Variants in WDR49 observed in about 807,000 individuals in gnomAD.
The protein encoded by WDR49 is WD repeat domain 49, also known as cilia- and flagella-associated protein 337.
WDR49 carries 107 observed loss-of-function variants against 119.5 expected under a neutral mutation model. The ratio of observed to expected loss-of-function variants is 0.90; its 90% CI spans 0.77 to 1.05. WDR49 has a LOEUF of 1.05. Ranked by LOEUF, WDR49 falls within the 50% of genes least tolerant of loss-of-function variation. The pLI is 0.00. For missense variants in WDR49, 1,240 were observed against 1,220.5 expected, an observed-to-expected ratio of 1.02 and a Z score of -0.24; for synonymous variants, 425 against 418.8, an observed-to-expected ratio of 1.01 and a Z score of -0.18.
intron 5 of WDR49, among the ~76,000 whole-genome samples, chr3:167,619,009 T>C (rs1289696906): frequency 6.6e-6 from 1 of 152,160 alleles, no homozygotes; most frequent in Non-Finnish European, 1.5e-5. Flanking sequence ...ATAGATATAA[T>C]GCATCATCGG....
At chr3:167,650,950 G>A (rs1372247755) in intron 2 of WDR49, among the ~76,000 whole-genome samples, 1 of 152,022 alleles carries the variant, frequency 6.6e-6, no homozygotes, top group Non-Finnish European at 1.5e-5. Context: ...GCAAAGCCGG[G>A]ATTTAAGCTC....
chr3:167,550,040 C>G (rs1712456880), intron 10 of WDR49, among the ~76,000 whole-genome samples: 1 of 151,912 alleles, frequency 6.6e-6, no homozygotes, highest in South Asian at 2.1e-4. Context: ...TCTATTCTGT[C>G]CCATTGGTCT....
intron 8 of WDR49, among the ~76,000 whole-genome samples, chr3:167,565,650 C>T (rs1713549130): frequency 6.6e-6 from 1 of 152,018 alleles, no homozygotes; most frequent in African/African-American, 2.4e-5. Context: ...GAGCTGCAAA[C>T]AAAGGAAACA....
intron 10 of WDR49, among the ~76,000 whole-genome samples, chr3:167,549,776 T>G (rs1712438757): frequency 6.6e-6 from 1 of 152,214 alleles, no homozygotes; most frequent in South Asian, 2.1e-4. Context: ...CTCATGCCTA[T>G]GTCCTGAATG....
chr3:167,542,940 A>G (rs1027061501), intron 10 of WDR49, among the ~76,000 whole-genome samples: 3 of 152,050 alleles, frequency 2.0e-5, no homozygotes, highest in African/African-American at 7.2e-5. Context: ...TATAAGCTAA[A>G]TTAGAAATGA....
chr3:167,641,081 G>A (rs182615316), intron 2 of WDR49, among the ~76,000 whole-genome samples: 1 of 152,002 alleles, frequency 6.6e-6, no homozygotes, highest in East Asian at 1.9e-4. Context: ...AACAGAGATG[G>A]CAGCTGCAAT....
intron 2 of WDR49, 49 bp downstream of exon 2, chr3:167,653,212 C>G: frequency 6.6e-7 from 1 of 1,523,220 alleles, no homozygotes; most frequent in Non-Finnish European, 8.8e-7. Flanking sequence ...TCATTCTAGG[C>G]TCCTTCATGA....
At chr3:167,501,760 AAT>A (rs1425591680) in intron 17 of WDR49, among the ~76,000 whole-genome samples, 12 of 152,276 alleles carry the variant, frequency 7.9e-5, no homozygotes, top group African/African-American at 2.9e-4. Context: ...ACTGGTCTTT[AAT>A]TGTTTTCTGG....
chr3:167,478,688 G>T lies in WDR49; in HGVS notation c.*190C>A. ...ATACCAAGATGTTGCTCCCACTTTA[G>T]TTCAATATTTATTTTATTAAGAATA... On this transcript the variant is annotated 3_prime_UTR_variant, in exon 19 of 19. Transcript: ENST00000682715. The T allele has an allele frequency of 2.7e-6, 1 of 375,862 alleles. No individual in the cohort carries two copies. The highest frequency in any genetic ancestry group is 4.7e-6 in the Non-Finnish European group (1 of 213,496). 23.3% of individuals were successfully genotyped at this position (375,862 alleles called of 1,614,324 possible).
At chr3:167,502,343 C>T (rs142373554) in intron 17 of WDR49, among the ~76,000 whole-genome samples, 288 of 152,234 alleles carry the variant, frequency 1.9e-3, no homozygotes, top group African/African-American at 6.7e-3. Context: ...TACGGCAATG[C>T]AAAAATGGCC....
At chr3:167,520,098 T>TGC (rs1442878165) in intron 16 of WDR49, among the ~76,000 whole-genome samples, 3 of 151,470 alleles carry the variant, frequency 2.0e-5, no homozygotes, top group African/African-American at 4.9e-5. Context: ...TGTGTGTGTG[T>TGC]GCAAACTGGG....
At chr3:167,564,918 A>G (rs577208508) in intron 8 of WDR49, among the ~76,000 whole-genome samples, 1 of 151,990 alleles carries the variant, frequency 6.6e-6, no homozygotes, top group East Asian at 1.9e-4. Flanking sequence ...AAAAAAAAAC[A>G]GGAATCAAAA....
chr3:167,500,353 T>A lies in WDR49; in HGVS notation c.2885-54A>T, dbSNP rs77936111. The stretch of plus-strand genomic sequence containing the variant: ...CAGGGAGAAAAAGGGTACAATATCA[T>A]TAACTCCTTGGAAAGAGCCAGCACA... On this transcript the variant is annotated intron_variant, in intron 17 of 18. Coordinates refer to ENST00000682715, the MANE Select transcript of WDR49 (RefSeq NM_001366157.1). 3,739 of 1,578,622 alleles carry A rather than the reference T, an allele frequency of 2.4e-3. 70 individuals carry two copies. In the African/African-American group the frequency reaches 0.046, roughly 19 times the overall value.
intron 18 of WDR49, among the ~76,000 whole-genome samples, chr3:167,496,222 A>G (rs1560250224): frequency 6.6e-6 from 1 of 151,966 alleles, no homozygotes; most frequent in African/African-American, 2.4e-5. Context: ...ATAATTCAGA[A>G]TGATTGATTA....
chr3:167,570,366 A>G (rs1713863738), intron 8 of WDR49, among the ~76,000 whole-genome samples: 1 of 152,212 alleles, frequency 6.6e-6, no homozygotes, highest in Non-Finnish European at 1.5e-5. Flanking sequence ...TGGATTCCCA[A>G]ATACCCTCAA....
chr3:167,610,737 C>T (rs1036402262), intron 5 of WDR49, among the ~76,000 whole-genome samples: 7 of 152,110 alleles, frequency 4.6e-5, no homozygotes, highest in Admixed American at 4.6e-4. Flanking sequence ...TGAGCGAGAC[C>T]CAGTGCTGTG....
chr3:167,620,515 A>G lies in WDR49; in HGVS notation c.872T>C (p.Ile291Thr), dbSNP rs1235584350. ...ACEDGEATMT[I>T]NWAELLSGCH... ...TCCAGAGAGCAGCTCTGCCCAGTTA[A>G]TGGTCATAGTGGCTTCTCCATCTTC... Residue 291 changes from isoleucine (I) to threonine (T), a missense_variant, in exon 5 of 19, where the codon ATT (isoleucine) becomes ACT (threonine). By Grantham distance (89) the Ile-to-Thr change is moderately conservative (BLOSUM62 -1). Coordinates refer to ENST00000682715, the MANE Select transcript of WDR49 (RefSeq NM_001366157.1). The G allele has an allele frequency of 1.3e-5, 20 of 1,535,962 alleles. No homozygotes were observed. The highest frequency in any genetic ancestry group is 1.7e-5 in the Non-Finnish European group (20 of 1,146,762).
At chr3:167,488,807 C>T (rs1181802427) in intron 18 of WDR49, among the ~76,000 whole-genome samples, 1 of 152,068 alleles carries the variant, frequency 6.6e-6, no homozygotes, top group African/African-American at 2.4e-5. Context: ...TGACATGACC[C>T]CTGAGCCCCC....
At chr3:167,595,308 G>T (rs546560650) in intron 7 of WDR49, among the ~76,000 whole-genome samples, 20 of 152,262 alleles carry the variant, frequency 1.3e-4, no homozygotes, top group African/African-American at 4.6e-4. Flanking sequence ...ATAATTTACA[G>T]ATTCAATGCC....
Sources: allele counts gnomAD v4.1 joint callset (sites outside exome capture counted in the v4.1 genomes callset), GRCh38; gene constraint gnomAD v4.1.1; transcripts MANE v1.5; gene names NCBI Gene and HGNC (gene_info 2026-07-23, HGNC 2026-07-21).